The following NAALADL2 variants were observed in gnomAD, a reference collection of about 807,000 sequenced individuals.
The protein encoded by NAALADL2 is N-acetylated alpha-linked acidic dipeptidase like 2, also known as inactive N-acetylated-alpha-linked acidic dipeptidase-like protein 2.
A neutral mutation model predicts 87.2 loss-of-function variants in NAALADL2; 76 were observed. That is an observed-to-expected ratio of 0.87 (90% CI 0.72 to 1.05). NAALADL2 has a LOEUF of 1.05. Among genes scored for constraint, NAALADL2 ranks in the 50% least tolerant of loss-of-function variants. NAALADL2 has a pLI of 0.00. For missense variants in NAALADL2, 1,089 were observed against 945.8 expected, an observed-to-expected ratio of 1.15 and a Z score of -1.99; for synonymous variants, 354 against 331.0, an observed-to-expected ratio of 1.07 and a Z score of -0.75.
At chr3:175,344,914 G>A (rs771106984) in intron 5 of NAALADL2, among the ~76,000 whole-genome samples, 10 of 151,670 alleles carry the variant, frequency 6.6e-5, no homozygotes, top group Non-Finnish European at 1.0e-4. Context: ...TATTATTATC[G>A]CTGTTATTAA....
At chr3:175,333,521 C>G (rs1761645393) in intron 5 of NAALADL2, among the ~76,000 whole-genome samples, 4 of 152,098 alleles carry the variant, frequency 2.6e-5, no homozygotes, top group Non-Finnish European at 5.9e-5. Context: ...TTTACAGCAA[C>G]AGGGGTGGAA....
At chr3:175,770,412 C>T (rs1002060380) in intron 13 of NAALADL2, among the ~76,000 whole-genome samples, 10 of 152,152 alleles carry the variant, frequency 6.6e-5, no homozygotes, top group African/African-American at 7.2e-5. Context: ...ATTGACAAGG[C>T]GAGATTACTT....
At chr3:174,734,109 C>T (rs1306041636) in intron 2 of NAALADL2, among the ~76,000 whole-genome samples, 1 of 152,064 alleles carries the variant, frequency 6.6e-6, no homozygotes, top group Non-Finnish European at 1.5e-5. Flanking sequence ...AGCAGAAACC[C>T]ACATTTGTAC....
intron 1 of NAALADL2, among the ~76,000 whole-genome samples, chr3:175,011,252 CAG>C (rs146111801): frequency 1.0e-5 from 1 of 95,766 alleles, no homozygotes; most frequent in Non-Finnish European, 2.1e-5. Context: ...GGGAGAGAGA[CAG>C]AGAGAGAGGG....
At chr3:174,676,781 C>A (rs977217812) in intron 2 of NAALADL2, among the ~76,000 whole-genome samples, 2 of 151,708 alleles carry the variant, frequency 1.3e-5, no homozygotes. Context: ...GTTAATAATT[C>A]TCAGATTTGC....
At chr3:174,984,394 T>C (rs779226455) in intron 1 of NAALADL2, among the ~76,000 whole-genome samples, 1 of 152,238 alleles carries the variant, frequency 6.6e-6, no homozygotes, top group African/African-American at 2.4e-5. Flanking sequence ...ACATTTGGAC[T>C]GATTCATGAA....
At chr3:175,146,303 G>A (rs960265403) in intron 2 of NAALADL2, among the ~76,000 whole-genome samples, 2 of 152,116 alleles carry the variant, frequency 1.3e-5, no homozygotes, top group African/African-American at 4.8e-5. Flanking sequence ...GAGAAGGACT[G>A]TGGAAAACAA....
rs3040106 is a variant in NAALADL2, at chr3:174,819,058, CTTTTTTTTTT to C, written c.-9+81331_-9+81340del. On this transcript the variant is annotated intron_variant, in intron 3 of 3. Coordinates refer to the NAALADL2 transcript ENST00000434257. ...GAATTTCTTTATTATACCATTTATT[CTTTTTTTTTT>C]TTTTTTTTTTTTTTTTTTGGAGACA... Among the ~76,000 whole-genome samples the C allele has an allele frequency of 7.8e-4, 37 of 47,544 alleles. 1 individual carries two copies. The highest frequency in any genetic ancestry group is 2.9e-3 in the East Asian group (4 of 1,378). 31.2% of individuals were successfully genotyped at this position (47,544 alleles called of 152,430 possible).
intron 1 of NAALADL2, among the ~76,000 whole-genome samples, chr3:174,918,972 G>A (rs1185130371): frequency 6.6e-6 from 1 of 151,828 alleles, no homozygotes; most frequent in Non-Finnish European, 1.5e-5. Context: ...GAAATTTTTG[G>A]TTTCTCGGTG....
chr3:174,890,108 T>C (rs560560679), intron 1 of NAALADL2, among the ~76,000 whole-genome samples: 5 of 152,312 alleles, frequency 3.3e-5, no homozygotes, highest in African/African-American at 1.2e-4. Flanking sequence ...TAGAACATTG[T>C]TTATAACCAT....
At chr3:175,647,039 C>G (rs1325873179) in intron 11 of NAALADL2, among the ~76,000 whole-genome samples, 1 of 152,070 alleles carries the variant, frequency 6.6e-6, no homozygotes, top group Non-Finnish European at 1.5e-5. Flanking sequence ...TTTACCAGAT[C>G]CAAGGCAGAG....
chr3:174,929,963 A>G (rs982698601), intron 1 of NAALADL2, among the ~76,000 whole-genome samples: 1 of 152,176 alleles, frequency 6.6e-6, no homozygotes. Flanking sequence ...GTATGTACTC[A>G]ATAATAATGA....
At chr3:174,878,355 G>A (rs1345552554) in intron 1 of NAALADL2, among the ~76,000 whole-genome samples, 1 of 151,990 alleles carries the variant, frequency 6.6e-6, no homozygotes, top group Admixed American at 6.6e-5. Context: ...AGTCTACTCA[G>A]TGGGATTTGG....
At chr3:174,601,361 T>C (rs924185681) in intron 2 of NAALADL2, among the ~76,000 whole-genome samples, 1 of 152,158 alleles carries the variant, frequency 6.6e-6, no homozygotes, top group African/African-American at 2.4e-5. Context: ...GCTATCTCAT[T>C]GTAGTTTTTA....
chr3:174,819,051 A>ATTTTTTT (rs1560255249), intron 3 of NAALADL2, among the ~76,000 whole-genome samples: 5 of 85,914 alleles, frequency 5.8e-5, no homozygotes, highest in African/African-American at 1.9e-4. Context: ...TTATTATACC[A>ATTTTTTT]TTTATTCTTT....
At chr3:174,921,675 G>GGT (rs1735206415) in intron 1 of NAALADL2, among the ~76,000 whole-genome samples, 1 of 151,530 alleles carries the variant, frequency 6.6e-6, no homozygotes, top group African/African-American at 2.4e-5. Context: ...CGTGGTGGCG[G>GGT]GTGGCTGTAG....
chr3:174,715,754 C>G (rs1040676020), intron 2 of NAALADL2, among the ~76,000 whole-genome samples: 4 of 152,242 alleles, frequency 2.6e-5, no homozygotes, highest in Admixed American at 1.3e-4. Flanking sequence ...AGTAAATAGA[C>G]TAACAAAACA....
At chr3:175,724,711 CCTCT>C (rs1742703363) in intron 11 of NAALADL2, among the ~76,000 whole-genome samples, 1 of 152,010 alleles carries the variant, frequency 6.6e-6, no homozygotes, top group African/African-American at 2.4e-5. Context: ...CATATCTCTA[CCTCT>C]CTCTAGTGCC....
chr3:175,237,584 C>T (rs60343293), intron 3 of NAALADL2, among the ~76,000 whole-genome samples: 2,053 of 152,142 alleles, frequency 0.013, 47 homozygotes, highest in African/African-American at 0.047. Flanking sequence ...TTTTTAGATC[C>T]CTTTAAATGA....
Sources: allele counts gnomAD v4.1 joint callset (sites outside exome capture counted in the v4.1 genomes callset), GRCh38; gene constraint gnomAD v4.1.1; transcripts MANE v1.5; gene names NCBI Gene and HGNC (gene_info 2026-07-23, HGNC 2026-07-21).